Variants in CD96 observed in about 807,000 individuals in gnomAD.
CD96 encodes CD96 molecule, also known as T-cell surface protein tactile.
A neutral mutation model predicts 71.3 loss-of-function variants in CD96; 70 were observed. The observed-to-expected ratio is 0.98, with a 90% confidence interval of 0.81 to 1.20. The LOEUF (loss-of-function observed/expected upper bound fraction) is 1.20, where lower values mean the gene tolerates loss of function less well. Ranked by LOEUF, CD96 falls within the 50% of genes most tolerant of loss-of-function variation. The probability of loss-of-function intolerance (pLI) is 0.00; values close to 1 mark genes in which losing one functional copy is unlikely to be tolerated. For synonymous variants in CD96, 248 were observed against 233.0 expected (o/e 1.06, Z -0.59); for missense variants, 742 against 677.5 (o/e 1.10, Z -1.06).
At chr3:111,602,719 A>G (rs1310076025) in intron 7 of CD96, among the ~76,000 whole-genome samples, 5 of 152,140 alleles carry the variant, frequency 3.3e-5, no homozygotes, top group Non-Finnish European at 7.4e-5. Flanking sequence ...CTCCGGAGTA[A>G]ACTTCTGATG....
intron 7 of CD96, among the ~76,000 whole-genome samples, chr3:111,604,201 G>C (rs1937563210): frequency 6.6e-6 from 1 of 152,166 alleles, no homozygotes; most frequent in South Asian, 2.1e-4. Context: ...CTATGGGACA[G>C]ACCCATGGCT....
chr3:111,569,523 A>G (rs1159779317), intron 3 of CD96, among the ~76,000 whole-genome samples: 2 of 152,232 alleles, frequency 1.3e-5, no homozygotes, highest in African/African-American at 4.8e-5. Flanking sequence ...GTACTATACT[A>G]AACCTTTTAG....
At chr3:111,580,170 T>C (rs1357503748) in intron 4 of CD96, among the ~76,000 whole-genome samples, 1 of 152,148 alleles carries the variant, frequency 6.6e-6, no homozygotes, top group Non-Finnish European at 1.5e-5. Context: ...CAAAGGAGCC[T>C]TTAGGAAAGG....
At chr3:111,626,186 A>T (rs1317986286) in intron 10 of CD96, among the ~76,000 whole-genome samples, 1 of 151,642 alleles carries the variant, frequency 6.6e-6, no homozygotes, top group East Asian at 1.9e-4. Flanking sequence ...CTGTAGTCCC[A>T]GCTACTCGGG....
At chr3:111,624,184 T>C (rs1324086365) in intron 9 of CD96, 149 bp from the exon 10 acceptor site, 2 of 691,790 alleles carry the variant, frequency 2.9e-6, no homozygotes, top group Non-Finnish European at 5.3e-6. Flanking sequence ...TTTTGCTTAA[T>C]ATGCCAGCTA....
At chr3:111,556,278 T>C (rs1935030286) in intron 2 of CD96, among the ~76,000 whole-genome samples, 1 of 99,720 alleles carries the variant, frequency 1.0e-5, no homozygotes, top group African/African-American at 3.7e-5. Context: ...TATGTATACA[T>C]GTGCCGTGCT....
At chr3:111,636,366 A>T (rs1337345040) in intron 10 of CD96, among the ~76,000 whole-genome samples, 1 of 152,244 alleles carries the variant, frequency 6.6e-6, no homozygotes, top group East Asian at 1.9e-4. Context: ...GTCTTGGCAC[A>T]CAAGAAAGCT....
intron 3 of CD96, among the ~76,000 whole-genome samples, chr3:111,578,012 C>G (rs1936295713): frequency 6.6e-6 from 1 of 152,172 alleles, no homozygotes; most frequent in South Asian, 2.1e-4. Flanking sequence ...ATTGTCCTAG[C>G]TATGGCCTTA....
At chr3:111,665,060 C>T (rs1240197910) in intron 14 of CD96, among the ~76,000 whole-genome samples, 1 of 151,986 alleles carries the variant, frequency 6.6e-6, no homozygotes, top group Non-Finnish European at 1.5e-5. Flanking sequence ...CTTATACATA[C>T]ATACATGCAT....
Position 111,632,997 on chromosome 3 carries a change from C to T in CD96, c.1322-4199C>T, listed in dbSNP as rs571114090. ...TTCTTTGCATTCACAACTTGGCTAA[C>T]AATTTGGCCCAAAAGGCCTAGCTTT... On this transcript the variant is annotated intron_variant, in intron 10 of 13. Transcript: ENST00000352690. Among the ~76,000 whole-genome samples, 7 of 152,330 alleles carry T rather than the reference C, an allele frequency of 4.6e-5. No individual in the cohort carries two copies. The South Asian group carries it at 1.2e-3, about 27-fold the overall frequency.
At chr3:111,585,557 T>G (rs1936672805) in intron 5 of CD96, among the ~76,000 whole-genome samples, 179 bp downstream of exon 5, 1 of 152,140 alleles carries the variant, frequency 6.6e-6, no homozygotes, top group Non-Finnish European at 1.5e-5. Flanking sequence ...ATTTTTACTT[T>G]TAGACTTAGG....
At chr3:111,601,487 C>T (rs191702142) in intron 7 of CD96, among the ~76,000 whole-genome samples, 59 of 152,196 alleles carry the variant, frequency 3.9e-4, no homozygotes, top group African/African-American at 1.3e-3. Flanking sequence ...GTTATTATAT[C>T]ATTTGACTAA....
chr3:111,660,718 A>G (rs1330398942), intron 14 of CD96, among the ~76,000 whole-genome samples: 1 of 152,216 alleles, frequency 6.6e-6, no homozygotes, highest in Admixed American at 6.5e-5. Context: ...AAGGCCATAC[A>G]TGTACAACTA....
intron 5 of CD96, among the ~76,000 whole-genome samples, chr3:111,588,165 G>T (rs1936801755): frequency 6.6e-6 from 1 of 152,154 alleles, no homozygotes; most frequent in African/African-American, 2.4e-5. Context: ...TTTTGAAACT[G>T]AATGCCTTTA....
At chr3:111,632,214 C>A (rs1436259210) in intron 10 of CD96, among the ~76,000 whole-genome samples, 4 of 152,100 alleles carry the variant, frequency 2.6e-5, no homozygotes, top group African/African-American at 9.7e-5. Context: ...TTTTTGCCAT[C>A]TATCCATCTG....
intron 12 of CD96, among the ~76,000 whole-genome samples, chr3:111,639,364 C>A (rs555843929): frequency 2.0e-5 from 3 of 152,266 alleles, no homozygotes; most frequent in East Asian, 1.9e-4. Flanking sequence ...GGCTTTCCCC[C>A]CTCTTTCCTG....
downstream of CD96, among the ~76,000 whole-genome samples, chr3:111,653,138 A>G (rs1334551985): frequency 1.3e-5 from 2 of 152,134 alleles, no homozygotes; most frequent in Non-Finnish European, 2.9e-5. Flanking sequence ...TACTTCTATG[A>G]TTGGATTCAC....
chr3:111,600,774 A>T lies in CD96; in HGVS notation c.947A>T (p.Glu316Val). The stretch of plus-strand genomic sequence containing the variant: ...AGAAAAGGCAAAGATGGATTTTTGG[A>T]ACTGAAGTCTGTTTTAACAAGGGTA... ...EERKGKDGFL[E>V]LKSVLTRVHS... Residue 316 changes from glutamate to valine, a missense_variant, in exon 7 of 14, where the codon GAA (glutamate) becomes GTA (valine). By Grantham distance (121) the Glu-to-Val change is moderately radical. Coordinates refer to ENST00000352690, the MANE Select transcript of CD96 (RefSeq NM_005816.5). The T allele has an allele frequency of 6.2e-7, 1 of 1,613,726 alleles. No individual in the cohort carries two copies. Among genetic ancestry groups the T allele is most frequent in the Admixed American group, 1.7e-5 (1 of 60,026 alleles).
chr3:111,607,872 C>T (rs1466169994), intron 8 of CD96, among the ~76,000 whole-genome samples: 1 of 152,134 alleles, frequency 6.6e-6, no homozygotes, highest in Non-Finnish European at 1.5e-5. Context: ...ACTTTTAACT[C>T]ACTGCCGGTT....
Sources: allele counts gnomAD v4.1 joint callset (sites outside exome capture counted in the v4.1 genomes callset), GRCh38; gene constraint gnomAD v4.1.1; transcripts MANE v1.5; gene names NCBI Gene and HGNC (gene_info 2026-07-23, HGNC 2026-07-21).